Variants in SKIDA1 observed in about 807,000 individuals in gnomAD.
SKIDA1 encodes the protein SKI/DACH domain containing 1.
Under a neutral mutation model 51.4 loss-of-function variants are expected in SKIDA1, and 18 were observed. The ratio of observed to expected loss-of-function variants is 0.35; its 90% CI spans 0.24 to 0.52. SKIDA1 has a LOEUF of 0.52. Ranked by LOEUF, SKIDA1 falls within the 20% of genes least tolerant of loss-of-function variation. The pLI, the probability that SKIDA1 is intolerant of heterozygous loss-of-function variation, is 0.95. For missense variants in SKIDA1, 1,104 were observed against 1,180.6 expected (o/e 0.94, Z 0.95); for synonymous variants, 579 against 500.5 (o/e 1.16, Z -2.09).
At chr10:21,524,384 T>C (rs557009493) in intron 1 of SKIDA1, among the ~76,000 whole-genome samples, 31 of 152,188 alleles carry the variant, frequency 2.0e-4, no homozygotes, top group Non-Finnish European at 3.4e-4. Flanking sequence ...TTTTTTTTTC[T>C]CAAAGACATA....
In SKIDA1 at chr10:21,513,505, AAAGCT is replaced by A. The variant is rs2032095679; in HGVS notation, c.*1586_*1590del. 6.6e-6 allele frequency: 1 copy of A among 152,670 alleles called. No individual in the cohort carries two copies. Among genetic ancestry groups the A allele is most frequent in the Admixed American group, 6.5e-5 (1 of 15,284 alleles). The allele number at this position is 152,670 out of a possible 1,614,324, so 9.5% of individuals were successfully genotyped here. On this transcript the variant is annotated 3_prime_UTR_variant, in exon 4 of 4. Transcript: ENST00000449193. ...TTAAACAGTGTTTTTAATTGAAAAT[AAAGCT>A]AAAGCATGCTTTTCAACAGTGCAAA...
At chr10:21,521,695 A>T (rs1042504925) in intron 2 of SKIDA1, among the ~76,000 whole-genome samples, 1 of 151,796 alleles carries the variant, frequency 6.6e-6, no homozygotes, top group Admixed American at 6.6e-5. Context: ...ATTAAATGTG[A>T]TTATTTACTC....
chr10:21,521,505 C>T (rs982765742), intron 2 of SKIDA1, 25 bp from the exon 3 acceptor site: 4 of 152,550 alleles, frequency 2.6e-5, no homozygotes, highest in Non-Finnish European at 4.4e-5. Flanking sequence ...GAACCCAATT[C>T]AGATAATGGA....
In SKIDA1 at chr10:21,516,182, G is replaced by T. The variant is rs531634187; in HGVS notation, c.1641C>A (p.Asn547Lys). 6.2e-7 allele frequency: 1 copy of T among 1,613,982 alleles called. No homozygotes were observed. Among genetic ancestry groups the T allele is most frequent in the Non-Finnish European group, 8.5e-7 (1 of 1,179,882 alleles). Residue 547 changes from asparagine to lysine, a missense_variant, in exon 4 of 4, where the codon AAC becomes AAA. Asn to Lys is a moderately conservative substitution (Grantham distance 94). Transcript: ENST00000449193. The surrounding 1 kb of genome is among the most constrained non-coding windows in gnomAD (Gnocchi z 5.7). ...GGAATGTAATCTCAGATACCCTATC[G>T]TTCCTTATCTCAGCGAAACAACTCC... is the stretch of plus-strand genomic sequence containing the variant. ...SLGSCFAEIR[N>K]DRVSEITFPH... is the part of the protein sequence containing the mutation.
chr10:21,516,854 C>T lies in SKIDA1; in HGVS notation c.969G>A (p.Leu323=). ...AAAAAAGATC[L]ERFHLVNGFC... ...AGCCGTTGACCAGATGAAACCTCTCCAGGCAAGTGGCCCCCGCGGCGGCCG... is the reference window on the plus strand; with the variant it reads ...AGCCGTTGACCAGATGAAACCTCTCTAGGCAAGTGGCCCCCGCGGCGGCCG... Residue 323 remains leucine (L), a synonymous_variant, in exon 4 of 4, where the codon CTG becomes CTA. Coordinates refer to ENST00000449193, the MANE Select transcript of SKIDA1 (RefSeq NM_207371.4). This position sits in a 1 kb window ranked among gnomAD's most constrained non-coding sequence, Gnocchi z 5.7. 7.0e-7 allele frequency: 1 copy of T among 1,428,946 alleles called. No individual in the cohort carries two copies. Among genetic ancestry groups the T allele is most frequent in the Non-Finnish European group, 9.2e-7 (1 of 1,089,666 alleles). 88.5% of individuals were successfully genotyped at this position (1,428,946 alleles called of 1,614,324 possible).
In SKIDA1 at chr10:21,515,063, A is replaced by G; in HGVS notation, c.*33T>C. 4 of 1,534,334 alleles carry G rather than the reference A, an allele frequency of 2.6e-6. No individual in the cohort carries two copies. Among genetic ancestry groups the G allele is most frequent in the Middle Eastern group, 1.8e-4 (1 of 5,598 alleles). On this transcript the variant is annotated 3_prime_UTR_variant, in exon 4 of 4. Coordinates refer to ENST00000449193, the MANE Select transcript of SKIDA1 (RefSeq NM_207371.4). ...TGCAGTTTACAACAAAAGGAAGGTA[A>G]TATGGTTCAAGAAAATATCTTCCAA...
At chr10:21,520,147 G>C (rs996281989) in intron 3 of SKIDA1, among the ~76,000 whole-genome samples, 1 of 152,152 alleles carries the variant, frequency 6.6e-6, no homozygotes, top group East Asian at 1.9e-4. Context: ...AATGAAAGAA[G>C]GATCATTGAA....
Position 21,515,841 on chromosome 10 carries a change from C to G in SKIDA1, c.1982G>C (p.Gly661Ala), listed in dbSNP as rs766114403. 1.9e-6 allele frequency: 3 copies of G among 1,613,978 alleles called. No individual in the cohort carries two copies. The highest frequency in any genetic ancestry group is 2.5e-6 in the Non-Finnish European group (3 of 1,179,858). The change falls in exon 4 of 4, where the codon GGA becomes GCA. Residue 661 changes from glycine to alanine, a missense_variant. Gly to Ala is a moderately conservative substitution (Grantham distance 60). Around this residue, in one of 3 missense-constraint regions of SKIDA1, gnomAD observed 938 missense variants for 886.4 expected, o/e 1.06. Coordinates refer to ENST00000449193, the MANE Select transcript of SKIDA1 (RefSeq NM_207371.4). The part of the protein sequence containing the change: ...SQTDPEVNAA[G>A]AAATKAENPC... ...ATTCTCGGCTTTAGTTGCTGCTGCT[C>G]CTGCAGCGTTCACTTCAGGATCAGT...
At position 21,516,497 on chromosome 10, in the gene SKIDA1, C is replaced by T; in HGVS notation, c.1326G>A (p.Glu442=). The T allele has an allele frequency of 1.2e-6, 2 of 1,601,140 alleles. No homozygotes were observed. Among genetic ancestry groups the T allele is most frequent in the East Asian group, 2.3e-5 (1 of 44,376 alleles). Residue 442 remains glutamate (E), a synonymous_variant, in exon 4 of 4, where the codon GAG becomes GAA. Transcript: ENST00000449193. The surrounding 1 kb of genome is among the most constrained non-coding windows in gnomAD (Gnocchi z 5.7). ...GASDSSEVSS[E]EEDSSTESDS... The stretch of plus-strand genomic sequence containing the variant: ...CCGACTCGGTGGACGAGTCCTCCTC[C>T]TCCGAGCTGACTTCACTGGAATCCG...
chr10:21,522,154 G>A (rs2032412815), intron 2 of SKIDA1, among the ~76,000 whole-genome samples: 1 of 150,384 alleles, frequency 6.6e-6, no homozygotes, highest in South Asian at 2.1e-4. Context: ...GAGTACTTTT[G>A]CATTTCTACA....
At chr10:21,521,058 G>GCGCACACACACA (rs1554772011) in intron 3 of SKIDA1, among the ~76,000 whole-genome samples, 4 of 146,766 alleles carry the variant, frequency 2.7e-5, no homozygotes, top group Non-Finnish European at 4.5e-5. Context: ...ATGAGTGCAT[G>GCGCACACACACA]CACACACACA....
rs1247918067 is a variant in SKIDA1, at chr10:21,514,039, A to AC, written c.*1056dup. 6.6e-6 allele frequency: 1 copy of AC among 151,736 alleles called. No individual in the cohort carries two copies. The highest frequency in any genetic ancestry group is 2.4e-5 in the African/African-American group (1 of 41,258). 9.4% of individuals were successfully genotyped at this position (151,736 alleles called of 1,614,324 possible). Reference sequence around the variant, plus strand: ...GGACCAGCCTGGTCAACATGGTGAAACCCCGTCTCTACTAAAAATACAAAA... The same window carrying AC: ...GGACCAGCCTGGTCAACATGGTGAAACCCCCGTCTCTACTAAAAATACAAAA... On this transcript the variant is annotated 3_prime_UTR_variant, in exon 4 of 4. Coordinates refer to ENST00000449193, the MANE Select transcript of SKIDA1 (RefSeq NM_207371.4).
At chr10:21,522,020 G>A (rs1156689856) in intron 2 of SKIDA1, among the ~76,000 whole-genome samples, 1 of 152,130 alleles carries the variant, frequency 6.6e-6, no homozygotes, top group Non-Finnish European at 1.5e-5. Flanking sequence ...TCTTTCCTCT[G>A]GAGCGAAGTA....
Position 21,515,896 on chromosome 10 carries a change from C to G in SKIDA1, c.1927G>C (p.Glu643Gln). 1.9e-6 allele frequency: 3 copies of G among 1,614,028 alleles called. No individual in the cohort carries two copies. The highest frequency in any genetic ancestry group is 2.5e-6 in the Non-Finnish European group (3 of 1,179,892). The change falls in exon 4 of 4, where the codon GAA becomes CAA. Residue 643 changes from glutamate (E) to glutamine (Q), a missense_variant. Coordinates refer to ENST00000449193, the MANE Select transcript of SKIDA1 (RefSeq NM_207371.4). ...EKYSKILHCPEFATDLPSSQT... is the reference protein window; with the variant it reads ...EKYSKILHCPQFATDLPSSQT... ...GAAGAGGGCAAATCCGTAGCAAATT[C>G]AGGACAATGAAGGATTTTGGAATAT...
intron 1 of SKIDA1, among the ~76,000 whole-genome samples, chr10:21,524,394 A>G (rs956833448): frequency 6.6e-5 from 10 of 152,136 alleles, no homozygotes; most frequent in African/African-American, 9.7e-5. Context: ...TCAAAGACAT[A>G]TCTATTATTT....
Position 21,514,392 on chromosome 10 carries a change from C to T in SKIDA1, c.*704G>A, listed in dbSNP as rs1311216116. 6.6e-6 allele frequency: 1 copy of T among 151,630 alleles called. No individual in the cohort carries two copies. The allele number at this position is 151,630 out of a possible 1,614,324, so 9.4% of individuals were successfully genotyped here. A position where few individuals can be genotyped will look rare whatever the true frequency, so the allele number is the denominator to read the frequency against. ...GAGTGGCTTTAAAAGTAAAATCACA[C>T]CCTTTACAAAAAAAATACAATTCCG... On this transcript the variant is annotated 3_prime_UTR_variant, in exon 4 of 4. Transcript: ENST00000449193.
chr10:21,521,396 G>T lies in SKIDA1; in HGVS notation c.-1844C>A, dbSNP rs1365961417. On this transcript the variant is annotated 5_prime_UTR_variant, in exon 3 of 4. The change creates a premature stop within an existing upstream ORF in the 5' untranslated region. Coordinates refer to ENST00000449193, the MANE Select transcript of SKIDA1 (RefSeq NM_207371.4). ...ATGCAATAATTTACTTACTTTGCCT[G>T]ATGTGCAGATCCAGATGTATAAAGT... 6.6e-6 allele frequency: 1 copy of T among 152,634 alleles called. No homozygotes were observed. Among genetic ancestry groups the T allele is most frequent in the Non-Finnish European group, 1.5e-5 (1 of 68,042 alleles). 9.5% of individuals were successfully genotyped at this position (152,634 alleles called of 1,614,324 possible).
At position 21,517,059 on chromosome 10, in the gene SKIDA1, G is replaced by A. The variant is rs762636734; in HGVS notation, c.764C>T (p.Pro255Leu). The stretch of plus-strand genomic sequence containing the variant: ...GCCTCCGGCGCCCGCCGCTGCCTTG[G>A]GCTGGGGCCCGGCCGCCGATACCTG... ...YYQVSAAGPQ[P>L]KAAAGAGGPG... Residue 255 changes from proline to leucine, a missense_variant, in exon 4 of 4, where the codon CCC becomes CTC. Pro to Leu is a moderately conservative substitution (Grantham distance 98, BLOSUM62 -3). Transcript: ENST00000449193. This position sits in a 1 kb window ranked among gnomAD's most constrained non-coding sequence, Gnocchi z 6.9. The A allele has an allele frequency of 9.9e-6, 10 of 1,014,682 alleles. No individual in the cohort carries two copies. In the South Asian group the frequency reaches 3.9e-4, roughly 40 times the overall value. The allele number at this position is 1,014,682 out of a possible 1,614,324, so 62.9% of individuals were successfully genotyped here. A position where few individuals can be genotyped will look rare whatever the true frequency, so the allele number is the denominator to read the frequency against.
Position 21,515,224 on chromosome 10 carries a change from C to T in SKIDA1, c.2599G>A (p.Ala867Thr), listed in dbSNP as rs2032161746. Reference sequence around the variant, plus strand: ...TCCTTAGTGGTGTTTAAGGAATACGCCGGCCACAAATCCCCATCTCTCCCA... The same window carrying T: ...TCCTTAGTGGTGTTTAAGGAATACGTCGGCCACAAATCCCCATCTCTCCCA... ...IIGRDGDLWPAYSLNTTKDSQ... is the reference protein window; with the variant it reads ...IIGRDGDLWPTYSLNTTKDSQ... Residue 867 changes from alanine (A) to threonine (T), a missense_variant, in exon 4 of 4, where the codon GCG becomes ACG. By Grantham distance (58) the Ala-to-Thr change is moderately conservative. Coordinates refer to ENST00000449193, the MANE Select transcript of SKIDA1 (RefSeq NM_207371.4). The T allele has an allele frequency of 6.2e-7, 1 of 1,613,754 alleles. No individual in the cohort carries two copies. The highest frequency in any genetic ancestry group is 1.3e-5 in the African/African-American group (1 of 74,882).
Sources: allele counts gnomAD v4.1 joint callset (sites outside exome capture counted in the v4.1 genomes callset), GRCh38; gene constraint gnomAD v4.1.1; regional missense constraint gnomAD v4.1.1; non-coding constraint Gnocchi (gnomAD v3.1); transcripts MANE v1.5; gene names NCBI Gene and HGNC (gene_info 2026-07-23, HGNC 2026-07-21).